The following GPM6B variants were observed in gnomAD, a reference collection of about 807,000 sequenced individuals.
GPM6B encodes glycoprotein M6B.
GPM6B carries 4 observed loss-of-function variants against 27.2 expected under a neutral mutation model. The observed-to-expected ratio is 0.15, with a 90% confidence interval of 0.07 to 0.34. The LOEUF (loss-of-function observed/expected upper bound fraction) is 0.34. Among genes scored for constraint, GPM6B ranks in the 10% least tolerant of loss-of-function variants. The pLI, the probability that GPM6B is intolerant of heterozygous loss-of-function variation, is 1.00. For synonymous variants in GPM6B, 124 were observed against 103.1 expected (o/e 1.20, Z -1.23); for missense variants, 183 against 261.9 (o/e 0.70, Z 2.08).
rs765592727 is a variant in GPM6B, at chrX:13,771,435, AAAG to A, written c.*1443_*1445del. 4.5e-5 allele frequency: 5 copies of A among 112,140 alleles called. No individual in the cohort carries two copies. Among genetic ancestry groups the A allele is most frequent in the Admixed American group, 3.8e-4 (4 of 10,539 alleles). The allele number at this position is 112,140 out of a possible 1,213,427, so 9.2% of individuals were successfully genotyped here. A position where few individuals can be genotyped will look rare whatever the true frequency, so the allele number is the denominator to read the frequency against. ...TAGGCATTTTTAGGCATTAACCAAAAAAGAGAATCCAAATGAAATATTATACTT... is the reference window on the plus strand; with the variant it reads ...TAGGCATTTTTAGGCATTAACCAAAAAGAATCCAAATGAAATATTATACTT... On this transcript the variant is annotated 3_prime_UTR_variant, in exon 8 of 8. Coordinates refer to ENST00000316715, the MANE Select transcript of GPM6B (RefSeq NM_001001995.3).
At chrX:13,815,693 A>G (rs1449249668) in intron 1 of GPM6B, among the ~76,000 whole-genome samples, 2 of 112,167 alleles carry the variant, frequency 1.8e-5, no homozygotes, top group Non-Finnish European at 3.8e-5. Flanking sequence ...ATTATTGTGT[A>G]CCAAAGAAAT....
At chrX:13,779,668 A>G (rs1232558803) in intron 5 of GPM6B, 150 bp downstream of exon 5, 1 of 468,438 alleles carries the variant, frequency 2.1e-6, no homozygotes, top group East Asian at 3.9e-5. Flanking sequence ...AGAAAATAGC[A>G]TATTGAAGGG....
intron 6 of GPM6B, among the ~76,000 whole-genome samples, chrX:13,776,773 A>G (rs1296759219): frequency 3.6e-5 from 4 of 112,542 alleles, no homozygotes; most frequent in African/African-American, 1.3e-4. Context: ...GTTACAAGCC[A>G]ATGACTGAAG....
intron 1 of GPM6B, among the ~76,000 whole-genome samples, chrX:13,878,258 T>G (rs2050059994): frequency 9.4e-6 from 1 of 106,856 alleles, no homozygotes; most frequent in South Asian, 4.0e-4. Context: ...ACAAGAAGGT[T>G]TTTTTTTTTT....
At chrX:13,886,577 GA>G (rs1569286151) in intron 1 of GPM6B, among the ~76,000 whole-genome samples, 2 of 107,394 alleles carry the variant, frequency 1.9e-5, no homozygotes, top group African/African-American at 6.9e-5. Context: ...TAGCCTACAT[GA>G]AAAGAGGCCA....
At chrX:13,805,590 C>T (rs1417929043) in intron 2 of GPM6B, among the ~76,000 whole-genome samples, 2 of 112,339 alleles carry the variant, frequency 1.8e-5, no homozygotes, top group East Asian at 5.5e-4. Context: ...GCTGCCACTG[C>T]TGCTATGAAT....
intron 2 of GPM6B, among the ~76,000 whole-genome samples, chrX:13,793,266 C>A (rs1475417156): frequency 9.0e-6 from 1 of 111,172 alleles, no homozygotes; most frequent in Non-Finnish European, 1.9e-5. Context: ...TTTAAATCTT[C>A]CTATAACCTG....
intron 2 of GPM6B, among the ~76,000 whole-genome samples, chrX:13,791,630 A>G (rs1400386919): frequency 1.8e-5 from 2 of 111,796 alleles, no homozygotes; most frequent in Admixed American, 1.9e-4. Context: ...AAAAAAAAAT[A>G]CACATCAATG....
chrX:13,795,109 G>A (rs1174818072), intron 2 of GPM6B, among the ~76,000 whole-genome samples: 2 of 112,319 alleles, frequency 1.8e-5, no homozygotes, highest in South Asian at 3.7e-4. Context: ...CAGACTTCTT[G>A]ATGAAATTGG....
chrX:13,827,702 T>C (rs967568056), intron 1 of GPM6B, among the ~76,000 whole-genome samples: 4 of 111,919 alleles, frequency 3.6e-5, no homozygotes, highest in African/African-American at 3.2e-5. Flanking sequence ...CATTACCAAA[T>C]TGAAGGTTAA....
intron 1 of GPM6B, among the ~76,000 whole-genome samples, chrX:13,809,758 G>A (rs915701280): frequency 1.8e-5 from 2 of 110,837 alleles, no homozygotes; most frequent in Non-Finnish European, 3.8e-5. Flanking sequence ...CCAACATGGT[G>A]AAACCCTGTC....
chrX:13,829,859 AT>A (rs34742721), intron 1 of GPM6B, among the ~76,000 whole-genome samples: 2,464 of 88,391 alleles, frequency 0.028, 92 homozygotes, highest in African/African-American at 0.088. Context: ...TCTGTCCTGA[AT>A]TTTTTTTTTT....
intron 1 of GPM6B, among the ~76,000 whole-genome samples, chrX:13,836,209 C>T (rs976313515): frequency 1.8e-5 from 2 of 111,652 alleles, no homozygotes; most frequent in African/African-American, 6.5e-5. Context: ...ACGATGATAT[C>T]CTTGATCTGC....
intron 1 of GPM6B, among the ~76,000 whole-genome samples, chrX:13,875,696 G>C (rs926644260): frequency 1.9e-4 from 21 of 112,197 alleles, no homozygotes; most frequent in Middle Eastern, 4.6e-3. Flanking sequence ...ACGATACAAA[G>C]GAATGAACTC....
chrX:13,913,792 C>G (rs2050402254), intron 1 of GPM6B, among the ~76,000 whole-genome samples: 1 of 111,822 alleles, frequency 8.9e-6, no homozygotes, highest in South Asian at 3.8e-4. Flanking sequence ...CATTCTGTTG[C>G]CCAGGTTGGA....
chrX:13,814,288 C>T (rs1291838836), intron 1 of GPM6B, among the ~76,000 whole-genome samples: 1 of 111,548 alleles, frequency 9.0e-6, no homozygotes, highest in East Asian at 2.8e-4. Context: ...GCAATAATGC[C>T]CCAAATTAAG....
intron 1 of GPM6B, among the ~76,000 whole-genome samples, chrX:13,889,970 C>T (rs756166819): frequency 6.3e-5 from 7 of 111,266 alleles, no homozygotes; most frequent in Non-Finnish European, 9.4e-5. Flanking sequence ...GAAAGAAATG[C>T]TATTAGCTAC....
At chrX:13,877,151 A>G (rs1378486123) in intron 1 of GPM6B, among the ~76,000 whole-genome samples, 1 of 111,866 alleles carries the variant, frequency 8.9e-6, no homozygotes, top group Non-Finnish European at 1.9e-5. Flanking sequence ...GCAGATGATT[A>G]GAGCAGCTCT....
At chrX:13,812,266 G>T (rs905698540) in intron 1 of GPM6B, among the ~76,000 whole-genome samples, 1 of 110,040 alleles carries the variant, frequency 9.1e-6, no homozygotes, top group African/African-American at 3.3e-5. Context: ...TGTTAGCCAG[G>T]ATGGTCTCGA....
Sources: allele counts gnomAD v4.1 joint callset (sites outside exome capture counted in the v4.1 genomes callset), GRCh38; gene constraint gnomAD v4.1.1; transcripts MANE v1.5; gene names NCBI Gene and HGNC (gene_info 2026-07-23, HGNC 2026-07-21).